The following ZNF335 variants were observed in gnomAD, a reference collection of about 807,000 sequenced individuals.
The protein encoded by ZNF335 is zinc finger protein 335, also known as NRC-interacting factor 1.
In ZNF335, 84 loss-of-function variants were observed where a neutral mutation model predicts 145.6. That is an observed-to-expected ratio of 0.58 (90% CI 0.48 to 0.69). The LOEUF (loss-of-function observed/expected upper bound fraction) is 0.69, where lower values mean the gene tolerates loss of function less well. ZNF335 is among the 30% of genes least tolerant of loss of function. The pLI is 0.00. For synonymous variants in ZNF335, 761 were observed against 717.0 expected, an observed-to-expected ratio of 1.06 and a Z score of -0.98; for missense variants, 1,865 against 1,809.7, an observed-to-expected ratio of 1.03 and a Z score of -0.55.
intron 2 of ZNF335, 161 bp from the exon 3 acceptor site, chr20:45,969,852 T>G: frequency 1.1e-6 from 1 of 891,890 alleles, no homozygotes; most frequent in Non-Finnish European, 1.6e-6. Flanking sequence ...AGAGAGGCCC[T>G]CCAGTCACAG....
rs1385802983 is a variant in ZNF335 at position 45,969,482 on chromosome 20, G to A, written c.411C>T (p.Ile137=). 5 of 1,559,690 alleles carry A rather than the reference G, an allele frequency of 3.2e-6. No individual in the cohort carries two copies. Among genetic ancestry groups the A allele is most frequent in the Admixed American group, 1.7e-5 (1 of 57,640 alleles). Residue 137 remains isoleucine (I), a synonymous_variant, in exon 3 of 28, where the codon ATC becomes ATT. Transcript: ENST00000322927. ...TGAGGTCGGGCCCGATGGTGGACTC[G>A]ATGATCTTGTCGATGGCCGAGCCCA... ...SDLGSAIDKI[I]ESTIGPDLIQ... is the part of the protein sequence containing the mutation.
Position 45,950,608 on chromosome 20 carries a change from C to CA in ZNF335, c.3190-14dup. Reference sequence around the variant, plus strand: ...GTGCCATGTGCGCCTGCAGAGAGGGCAGAGTTGGGGGCATTGGCTGGGTCA... The same window carrying CA: ...GTGCCATGTGCGCCTGCAGAGAGGGCAAGAGTTGGGGGCATTGGCTGGGTCA... On this transcript the variant is annotated splice_polypyrimidine_tract_variant and intron_variant, in intron 20 of 27. Transcript: ENST00000322927. 6.2e-7 allele frequency: 1 copy of CA among 1,613,608 alleles called. No homozygotes were observed. The highest frequency in any genetic ancestry group is 1.3e-5 in the African/African-American group (1 of 75,020).
rs60180055 is a variant in ZNF335, at chr20:45,960,478, G to T, written c.1830C>A (p.Leu610=). The T allele has an allele frequency of 1.9e-6, 3 of 1,614,170 alleles. No homozygotes were observed. The highest frequency in any genetic ancestry group is 2.5e-6 in the Non-Finnish European group (3 of 1,180,030). Residue 610 remains leucine (L), a synonymous_variant, in exon 13 of 28, where the codon CTC becomes CTA. Coordinates refer to ENST00000322927, the MANE Select transcript of ZNF335 (RefSeq NM_022095.4). ...GGTTGGCAACAGCCTGGATGTGCGTGAGCAGGTGCATTTTGAAGGTGTAGC... is the reference window on the plus strand; with the variant it reads ...GGTTGGCAACAGCCTGGATGTGCGTTAGCAGGTGCATTTTGAAGGTGTAGC... ...KKRYTFKMHL[L]THIQAVANRR...
chr20:45,951,559 ATTAG>A (rs775821320), intron 20 of ZNF335, among the ~76,000 whole-genome samples: 15 of 152,346 alleles, frequency 9.8e-5, no homozygotes, highest in East Asian at 1.9e-4. Flanking sequence ...TTCATCAGAT[ATTAG>A]TTAGATTCTT....
chr20:45,969,511 C>A lies in ZNF335; in HGVS notation c.382G>T (p.Asp128Tyr), dbSNP rs765545367. The stretch of plus-strand genomic sequence containing the variant: ...ATCTTGTCGATGGCCGAGCCCAGGT[C>A]CGAGGAGGAAGCTGTGCAGTCGGAC... Reference protein sequence around the residue: ...LVSDCTASSSDLGSAIDKIIE... With the variant: ...LVSDCTASSSYLGSAIDKIIE... Residue 128 changes from aspartate to tyrosine, a missense_variant, in exon 3 of 28, where the codon GAC becomes TAC. By Grantham distance (160) the Asp-to-Tyr change is radical. Coordinates refer to ENST00000322927, the MANE Select transcript of ZNF335 (RefSeq NM_022095.4). 6.3e-7 allele frequency: 1 copy of A among 1,580,452 alleles called. No individual in the cohort carries two copies. The highest frequency in any genetic ancestry group is 1.1e-5 in the South Asian group (1 of 89,250).
chr20:45,950,327 T>G lies in ZNF335; in HGVS notation c.3379A>C (p.Ser1127Arg), dbSNP rs761260260. ...HLKFHIQRLH[S>R]PDGRKSGTPT... ...GTTCCTGACTTCCTCCCATCAGGAC[T>G]GTGCAGCCGCTGGATGTGGAACTTG... The change falls in exon 22 of 28, where the codon AGT becomes CGT. Residue 1127 changes from serine (S) to arginine (R), a missense_variant. Ser to Arg is a moderately radical substitution (Grantham distance 110). Transcript: ENST00000322927. 2 of 1,579,930 alleles carry G rather than the reference T, an allele frequency of 1.3e-6. No individual in the cohort carries two copies. Among genetic ancestry groups the G allele is most frequent in the Non-Finnish European group, 1.7e-6 (2 of 1,160,726 alleles).
chr20:45,952,859 CA>C, intron 18 of ZNF335, 150 bp from the exon 19 acceptor site: 1 of 638,802 alleles, frequency 1.6e-6, no homozygotes, highest in Non-Finnish European at 2.7e-6. Context: ...GCCCTGTTAC[CA>C]AATGACCCTC....
chr20:45,955,353 A>AAAAAAAAAAC (rs2083710068), intron 17 of ZNF335, among the ~76,000 whole-genome samples: 1 of 146,714 alleles, frequency 6.8e-6, no homozygotes, highest in South Asian at 2.1e-4. Flanking sequence ...TCTGTCTCAA[A>AAAAAAAAAAC]AAAAAAAAAA....
chr20:45,948,893 G>A lies in ZNF335; in HGVS notation c.*60C>T, dbSNP rs2083573432. 1 of 1,611,304 alleles carries A rather than the reference G, an allele frequency of 6.2e-7. No individual in the cohort carries two copies. The highest frequency in any genetic ancestry group is 8.5e-7 in the Non-Finnish European group (1 of 1,179,058). On this transcript the variant is annotated 3_prime_UTR_variant, in exon 28 of 28. Coordinates refer to ENST00000322927, the MANE Select transcript of ZNF335 (RefSeq NM_022095.4). ...AATGAAGAGGGAGGTGAGTCCTGGT[G>A]GCCCCCTACCCCCAGGAGAGCTGGC... is the stretch of plus-strand genomic sequence containing the variant.
chr20:45,967,490 C>T lies in ZNF335; in HGVS notation c.955+4G>A, dbSNP rs373240084. ...TGGCAGGCCTAGAAACCATGGTGGC[C>T]TACCCTCCAGGTCATCAATGGCTCC... On this transcript the variant is annotated splice_donor_region_variant and intron_variant, in intron 6 of 27. Coordinates refer to ENST00000322927, the MANE Select transcript of ZNF335 (RefSeq NM_022095.4). 6.2e-7 allele frequency: 1 copy of T among 1,614,092 alleles called. No individual in the cohort carries two copies. The highest frequency in any genetic ancestry group is 8.5e-7 in the Non-Finnish European group (1 of 1,180,028).
chr20:45,948,885 G>C lies in ZNF335; in HGVS notation c.*68C>G, dbSNP rs1165983347. 1.2e-6 allele frequency: 2 copies of C among 1,604,346 alleles called. No individual in the cohort carries two copies. The highest frequency in any genetic ancestry group is 1.7e-6 in the Non-Finnish European group (2 of 1,173,504). Reference sequence around the variant, plus strand: ...AGATCCTAAATGAAGAGGGAGGTGAGTCCTGGTGGCCCCCTACCCCCAGGA... The same window carrying C: ...AGATCCTAAATGAAGAGGGAGGTGACTCCTGGTGGCCCCCTACCCCCAGGA... On this transcript the variant is annotated 3_prime_UTR_variant, in exon 28 of 28. Transcript: ENST00000322927.
At chr20:45,971,144 C>T (rs2084057491) in intron 2 of ZNF335, 66 bp downstream of exon 2, 2 of 1,452,028 alleles carry the variant, frequency 1.4e-6, no homozygotes, top group African/African-American at 2.8e-5. Context: ...CTTGTTTCCT[C>T]TTGGCTGTCA....
At chr20:45,965,294 A>C (rs2145407182) in intron 7 of ZNF335, among the ~76,000 whole-genome samples, 1 of 152,150 alleles carries the variant, frequency 6.6e-6, no homozygotes, top group Admixed American at 6.5e-5. Flanking sequence ...GGCTCCTCTG[A>C]TAGTCCCAGG....
Position 45,960,446 on chromosome 20 carries a change from T to C in ZNF335, c.1859+3A>G. 6.2e-7 allele frequency: 1 copy of C among 1,614,210 alleles called. No individual in the cohort carries two copies. Among genetic ancestry groups the C allele is most frequent in the Non-Finnish European group, 8.5e-7 (1 of 1,180,030 alleles). Reference sequence around the variant, plus strand: ...GTCCCCAGGGGCCTCCAAGGGGATGTACCTGCGGTTGGCAACAGCCTGGAT... The same window carrying C: ...GTCCCCAGGGGCCTCCAAGGGGATGCACCTGCGGTTGGCAACAGCCTGGAT... On this transcript the variant is annotated splice_donor_region_variant and intron_variant, in intron 13 of 27. Coordinates refer to ENST00000322927, the MANE Select transcript of ZNF335 (RefSeq NM_022095.4).
Position 45,963,814 on chromosome 20 carries a change from A to G in ZNF335, c.1279T>C (p.Cys427Arg). The G allele has an allele frequency of 6.2e-7, 1 of 1,614,120 alleles. No homozygotes were observed. The highest frequency in any genetic ancestry group is 1.7e-4 in the Middle Eastern group (1 of 6,060). ...QSDAENAAPS[C>R]PDEHDTLPRR... ...GGCAGAGTGTCATGCTCATCCGGGC[A>G]GGAGGGGGCTGCGTTCTCTGCATCT... Residue 427 changes from cysteine (C) to arginine (R), a missense_variant, in exon 8 of 28, where the codon TGC (cysteine) becomes CGC (arginine). By Grantham distance (180) the Cys-to-Arg change is radical. Transcript: ENST00000322927.
chr20:45,957,148 C>T (rs534444883), intron 17 of ZNF335, among the ~76,000 whole-genome samples: 5 of 152,250 alleles, frequency 3.3e-5, no homozygotes, highest in East Asian at 1.9e-4. Flanking sequence ...ACCCCTGGAA[C>T]GCGAGAGAGT....
intron 18 of ZNF335, 65 bp downstream of exon 18, chr20:45,953,624 C>T: frequency 6.3e-7 from 1 of 1,587,698 alleles, no homozygotes; most frequent in Non-Finnish European, 8.6e-7. Context: ...GGGTGGGGCC[C>T]AAATCGGACC....
In ZNF335 at chr20:45,959,239, C is replaced by A; in HGVS notation, c.2215G>T (p.Ala739Ser). The A allele has an allele frequency of 6.9e-7, 1 of 1,447,798 alleles. No homozygotes were observed. Among genetic ancestry groups the A allele is most frequent in the Non-Finnish European group, 9.2e-7 (1 of 1,086,902 alleles). 89.7% of individuals were successfully genotyped at this position (1,447,798 alleles called of 1,614,324 possible). The change falls in exon 15 of 28, where the codon GCC becomes TCC. Residue 739 changes from alanine to serine, a missense_variant. Coordinates refer to ENST00000322927, the MANE Select transcript of ZNF335 (RefSeq NM_022095.4). The part of the protein sequence containing the change: ...IEELKQQHSA[A>S]PGPPPSSPGP... Reference sequence around the variant, plus strand: ...GGGGAACTGGGAGGTGGTCCAGGGGCCGCACTGTGCTGCTGCTTCAGCTCC... The same window carrying A: ...GGGGAACTGGGAGGTGGTCCAGGGGACGCACTGTGCTGCTGCTTCAGCTCC...
rs201180565 is a variant in ZNF335 at position 45,967,900 on chromosome 20, C to T, written c.648G>A (p.Pro216=). The change falls in exon 5 of 28, where the codon CCG becomes CCA. Residue 216 remains proline (P), a synonymous_variant. Transcript: ENST00000322927. ...CACCGGAGGCTGGGGGCAGCTGCAC[C>T]GGGGAGCTGGGCCCACCCTGTGCCT... The part of the protein sequence containing the change: ...CLEAQGGPSS[P]VQLPPASGAE... The T allele has an allele frequency of 1.1e-4, 172 of 1,612,596 alleles. 4 individuals carry two copies. The East Asian group carries it at 1.5e-3, about 14-fold the overall frequency.
Sources: allele counts gnomAD v4.1 joint callset (sites outside exome capture counted in the v4.1 genomes callset), GRCh38; gene constraint gnomAD v4.1.1; transcripts MANE v1.5; gene names NCBI Gene and HGNC (gene_info 2026-07-23, HGNC 2026-07-21).